The following CSMD1 variants were observed in gnomAD, a reference collection of about 807,000 sequenced individuals.
The protein encoded by CSMD1 is CUB and sushi domain-containing protein 1.
CSMD1 carries 213 observed loss-of-function variants against 417.5 expected under a neutral mutation model. The observed-to-expected ratio is 0.51, with a 90% CI of 0.46 to 0.57. The LOEUF (loss-of-function observed/expected upper bound fraction) is 0.57, where lower values mean the gene tolerates loss of function less well. Among genes scored for constraint, CSMD1 ranks in the 20% least tolerant of loss-of-function variants. The probability of loss-of-function intolerance (pLI) is 0.00; values close to 1 mark genes in which losing one functional copy is unlikely to be tolerated. For missense variants in CSMD1, 6,923 were observed against 4,529.7 expected (o/e 1.53, Z -15.17); for synonymous variants, 2,862 against 1,736.8 (o/e 1.65, Z -16.11).
intron 10 of CSMD1, among the ~76,000 whole-genome samples, chr8:3,560,658 T>C (rs1426792085): frequency 6.6e-6 from 1 of 152,168 alleles, no homozygotes; most frequent in Non-Finnish European, 1.5e-5. Flanking sequence ...ATATTTCTAT[T>C]GTCTTTTACT....
At chr8:3,792,310 A>G (rs941128347) in intron 5 of CSMD1, among the ~76,000 whole-genome samples, 1 of 152,088 alleles carries the variant, frequency 6.6e-6, no homozygotes, top group Admixed American at 6.5e-5. Flanking sequence ...AGAAGAAAAA[A>G]ACTTCCTGGG....
intron 3 of CSMD1, among the ~76,000 whole-genome samples, chr8:4,348,987 C>A (rs1800933676): frequency 6.6e-6 from 1 of 152,112 alleles, no homozygotes; most frequent in African/African-American, 2.4e-5. Context: ...AAAAACAGGA[C>A]AAACTGAAAA....
chr8:4,752,466 G>C (rs1007385551), intron 1 of CSMD1, among the ~76,000 whole-genome samples: 4 of 152,182 alleles, frequency 2.6e-5, no homozygotes, highest in Non-Finnish European at 5.9e-5. Context: ...CTCGGGTGAT[G>C]AAGGAGAGAT....
chr8:3,407,879 G>C lies in CSMD1; in HGVS notation c.2071+20C>G, dbSNP rs375412143. Reference sequence around the variant, plus strand: ...AGTAAAATGAGAACTTGGATGTGTTGACTGTGTGGGCGTACTTACTGGTGT... The same window carrying C: ...AGTAAAATGAGAACTTGGATGTGTTCACTGTGTGGGCGTACTTACTGGTGT... On this transcript the variant is annotated intron_variant, in intron 14 of 69. Coordinates refer to ENST00000635120, the MANE Select transcript of CSMD1 (RefSeq NM_033225.6). 7 of 1,574,522 alleles carry C rather than the reference G, an allele frequency of 4.4e-6. No individual in the cohort carries two copies. The highest frequency in any genetic ancestry group is 1.8e-5 in the Admixed American group (1 of 56,100).
At chr8:3,803,626 T>C (rs1191086258) in intron 5 of CSMD1, among the ~76,000 whole-genome samples, 1 of 152,062 alleles carries the variant, frequency 6.6e-6, no homozygotes, top group Non-Finnish European at 1.5e-5. Context: ...ACTCAGAACA[T>C]TTGAGCCTGG....
chr8:4,911,681 A>G (rs971501403), intron 1 of CSMD1, among the ~76,000 whole-genome samples: 15 of 152,148 alleles, frequency 9.9e-5, no homozygotes, highest in African/African-American at 3.1e-4. Context: ...GCATAAATAG[A>G]CTGAAATAAG....
chr8:3,701,900 C>A (rs573818346), intron 7 of CSMD1, among the ~76,000 whole-genome samples: 1 of 152,278 alleles, frequency 6.6e-6, no homozygotes, highest in East Asian at 1.9e-4. Flanking sequence ...GACAAGAGTC[C>A]ATCAGTTGCT....
chr8:3,229,811 T>C (rs1283966779), intron 27 of CSMD1, among the ~76,000 whole-genome samples: 1 of 152,198 alleles, frequency 6.6e-6, no homozygotes, highest in African/African-American at 2.4e-5. Context: ...GTAGGAAATA[T>C]ACGGTAAATG....
chr8:4,114,256 C>T (rs1257128845), intron 3 of CSMD1, among the ~76,000 whole-genome samples: 2 of 152,138 alleles, frequency 1.3e-5, no homozygotes, highest in African/African-American at 2.4e-5. Flanking sequence ...TCCTAGGGCT[C>T]TTAAGAATGA....
At chr8:4,820,344 G>A (rs550319955) in intron 1 of CSMD1, among the ~76,000 whole-genome samples, 1 of 152,182 alleles carries the variant, frequency 6.6e-6, no homozygotes, top group African/African-American at 2.4e-5. Context: ...TTATAAAAAG[G>A]TAAGAATGAC....
At chr8:3,516,670 G>T (rs1482665955) in intron 10 of CSMD1, among the ~76,000 whole-genome samples, 1 of 152,018 alleles carries the variant, frequency 6.6e-6, no homozygotes, top group Non-Finnish European at 1.5e-5. Context: ...ATGTATTGGG[G>T]TACAGGTGGT....
chr8:4,985,380 T>A (rs4092286), intron 1 of CSMD1, among the ~76,000 whole-genome samples: 47,216 of 151,542 alleles, frequency 0.31, 8,050 homozygotes, highest in Middle Eastern at 0.46. Context: ...AAGTTTTTTT[T>A]AAAAAAAAAT....
At chr8:3,309,923 T>C (rs1278026657) in intron 23 of CSMD1, among the ~76,000 whole-genome samples, 1 of 152,174 alleles carries the variant, frequency 6.6e-6, no homozygotes, top group Non-Finnish European at 1.5e-5. Flanking sequence ...GAAAATTTCC[T>C]TCCATAAAGT....
At chr8:4,938,712 T>C (rs1470161003) in intron 1 of CSMD1, among the ~76,000 whole-genome samples, 1 of 152,190 alleles carries the variant, frequency 6.6e-6, no homozygotes, top group Non-Finnish European at 1.5e-5. Context: ...AATCTTCTCA[T>C]GATAAATTCG....
intron 5 of CSMD1, among the ~76,000 whole-genome samples, chr8:3,912,832 A>G (rs553634425): frequency 3.9e-5 from 6 of 152,280 alleles, no homozygotes; most frequent in African/African-American, 1.4e-4. Context: ...GATTTAAATT[A>G]TATTCTGTTG....
At chr8:4,383,454 G>T (rs80157254) in intron 3 of CSMD1, among the ~76,000 whole-genome samples, 12,704 of 152,188 alleles carry the variant, frequency 0.083, 693 homozygotes, top group South Asian at 0.19. Flanking sequence ...TTTCACAGTA[G>T]TTCCTAATAC....
intron 2 of CSMD1, among the ~76,000 whole-genome samples, chr8:4,610,981 T>A (rs1158381972): frequency 3.3e-5 from 5 of 152,236 alleles, no homozygotes; most frequent in Admixed American, 6.5e-5. Context: ...ATCTGCATCC[T>A]TTCCTTGGAA....
At chr8:3,499,025 G>A (rs1019456913) in intron 10 of CSMD1, among the ~76,000 whole-genome samples, 11 of 152,284 alleles carry the variant, frequency 7.2e-5, no homozygotes, top group African/African-American at 2.4e-4. Context: ...ATTAGAAAAT[G>A]ATTTTGTTCC....
chr8:4,393,861 G>A (rs527373210), intron 3 of CSMD1, among the ~76,000 whole-genome samples: 13 of 152,236 alleles, frequency 8.5e-5, no homozygotes, highest in East Asian at 1.9e-4. Flanking sequence ...TACACACATG[G>A]AGCACACGGA....
Sources: allele counts gnomAD v4.1 joint callset (sites outside exome capture counted in the v4.1 genomes callset), GRCh38; gene constraint gnomAD v4.1.1; transcripts MANE v1.5; gene names NCBI Gene and HGNC (gene_info 2026-07-23, HGNC 2026-07-21).